HOGA1: variants seen among roughly 807,000 people sequenced by gnomAD.
HOGA1 encodes 4-hydroxy-2-oxoglutarate aldolase, mitochondrial.
A neutral mutation model predicts 34.3 loss-of-function variants in HOGA1; 30 were observed. The observed-to-expected ratio is 0.87, with a 90% CI of 0.65 to 1.19. The LOEUF (loss-of-function observed/expected upper bound fraction) is 1.19, where lower values mean the gene tolerates loss of function less well. Among genes scored for constraint, HOGA1 ranks in the 50% most tolerant of loss-of-function variants. The pLI is 0.00. For missense variants in HOGA1, 417 were observed against 436.5 expected (o/e 0.96, Z 0.40); for synonymous variants, 161 against 174.0 (o/e 0.93, Z 0.59).
intron 1 of HOGA1, among the ~76,000 whole-genome samples, chr10:97,587,962 C>T (rs2040983537): frequency 1.3e-5 from 2 of 151,706 alleles, no homozygotes; most frequent in African/African-American, 4.8e-5. Context: ...AGGTGCACAC[C>T]ACTATACCCG....
chr10:97,604,936 G>A (rs1265966437), intron 6 of HOGA1, among the ~76,000 whole-genome samples: 2 of 152,142 alleles, frequency 1.3e-5, no homozygotes, highest in African/African-American at 4.8e-5. Context: ...AGCCAAGATT[G>A]TGCCACTGCA....
At chr10:97,609,972 T>C (rs566757549) in intron 6 of HOGA1, among the ~76,000 whole-genome samples, 21 of 152,352 alleles carry the variant, frequency 1.4e-4, no homozygotes, top group African/African-American at 5.1e-4. Flanking sequence ...CCTGGCCTTT[T>C]TATCCCAAAC....
chr10:97,602,217 C>T (rs765142652), intron 6 of HOGA1: 14 of 1,525,792 alleles, frequency 9.2e-6, no homozygotes, highest in Non-Finnish European at 1.1e-5. Flanking sequence ...TTAAAATTTC[C>T]TTGGGGGCGA....
intron 1 of HOGA1, chr10:97,590,906 C>T (rs148031833): frequency 2.0e-4 from 67 of 328,598 alleles, no homozygotes; most frequent in East Asian, 5.0e-4. Flanking sequence ...TTGCCTGGAA[C>T]GGAGCCAATA....
At chr10:97,593,608 A>T (rs899199760) in intron 1 of HOGA1, among the ~76,000 whole-genome samples, 2 of 152,344 alleles carry the variant, frequency 1.3e-5, no homozygotes, top group African/African-American at 4.8e-5. Context: ...GCCGCAGACC[A>T]GGGCAGAAAA....
At chr10:97,585,213 G>A (rs1279167249) in intron 1 of HOGA1, among the ~76,000 whole-genome samples, 3 of 152,220 alleles carry the variant, frequency 2.0e-5, no homozygotes, top group Admixed American at 6.5e-5. Context: ...GATAATGGGC[G>A]TGAAAGTCCT....
intron 1 of HOGA1, chr10:97,590,947 G>T (rs1029438287): frequency 4.3e-6 from 1 of 230,448 alleles, no homozygotes; most frequent in Non-Finnish European, 9.3e-6. Flanking sequence ...CTGAGTCCAG[G>T]GGCTCTGTGG....
chr10:97,594,735 C>G (rs2041055960), intron 1 of HOGA1, among the ~76,000 whole-genome samples: 1 of 152,130 alleles, frequency 6.6e-6, no homozygotes, highest in Non-Finnish European at 1.5e-5. Context: ...AAATAGTCCA[C>G]CCGTCTTGGC....
chr10:97,584,985 T>G, intron 1 of HOGA1, 71 bp downstream of exon 1: 3 of 1,307,356 alleles, frequency 2.3e-6, no homozygotes, highest in Non-Finnish European at 3.3e-6. Flanking sequence ...CAAGGGAGGG[T>G]ACACAGGCTC....
chr10:97,591,490 G>A (rs1023937029), intron 1 of HOGA1, among the ~76,000 whole-genome samples: 1 of 152,116 alleles, frequency 6.6e-6, no homozygotes, highest in Non-Finnish European at 1.5e-5. Context: ...TTGTTACATA[G>A]GTAAACGTGT....
At chr10:97,600,724 A>C (rs1411799993) in intron 5 of HOGA1, 1 of 169,574 alleles carries the variant, frequency 5.9e-6, no homozygotes, top group Non-Finnish European at 1.3e-5. Flanking sequence ...GGGAAGGGAG[A>C]AGAAGGGAAG....
chr10:97,601,728 G>A lies in HOGA1; in HGVS notation c.701-129G>A, dbSNP rs1589909438. On this transcript the variant is annotated intron_variant, in intron 5 of 6. Coordinates refer to ENST00000370646, the MANE Select transcript of HOGA1 (RefSeq NM_138413.4). ...CTCTGGACTCACAGAGCATGCCTTT[G>A]ATGTAGCCAGCCAAGTGACATAGAA... 5 of 1,083,954 alleles carry A rather than the reference G, an allele frequency of 4.6e-6. No homozygotes were observed. The South Asian group carries it at 6.5e-5, about 14-fold the overall frequency. 67.1% of individuals were successfully genotyped at this position (1,083,954 alleles called of 1,614,324 possible). A position where few individuals can be genotyped will look rare whatever the true frequency, so the allele number is the denominator to read the frequency against.
chr10:97,589,929 A>C, intron 1 of HOGA1: 1 of 1,613,692 alleles, frequency 6.2e-7, no homozygotes, highest in African/African-American at 1.3e-5. Flanking sequence ...AGGAGAAGAA[A>C]GGAAACCTCT....
chr10:97,606,535 G>C (rs572687209), intron 6 of HOGA1, among the ~76,000 whole-genome samples: 1 of 151,906 alleles, frequency 6.6e-6, no homozygotes, highest in East Asian at 1.9e-4. Context: ...AACTGCTTGC[G>C]TGCCTTTGTC....
At chr10:97,596,407 G>A (rs1030724325) in intron 1 of HOGA1, among the ~76,000 whole-genome samples, 2 of 152,344 alleles carry the variant, frequency 1.3e-5, no homozygotes, top group Non-Finnish European at 2.9e-5. Flanking sequence ...AGCCCAGGAC[G>A]GCAGGCAGGG....
chr10:97,603,264 A>T lies in HOGA1; in HGVS notation c.834+1274A>T, dbSNP rs370496089. ...AGTGATCCTCCTGCCTCGGCCTCCC[A>T]ATCTTTTTTCTTTTATTTTTTTTAT... On this transcript the variant is annotated intron_variant, in intron 6 of 6. Transcript: ENST00000370646. The surrounding 1 kb of genome is among the most constrained non-coding windows in gnomAD (Gnocchi z 4.5). Among the ~76,000 whole-genome samples, 391 of 151,892 alleles carry T rather than the reference A, an allele frequency of 2.6e-3. 2 individuals carry two copies. The highest frequency in any genetic ancestry group is 9.1e-3 in the African/African-American group (378 of 41,424).
chr10:97,595,237 C>T (rs947771490), intron 1 of HOGA1, among the ~76,000 whole-genome samples: 1 of 152,158 alleles, frequency 6.6e-6, no homozygotes, highest in African/African-American at 2.4e-5. Flanking sequence ...AGTAGGTGTA[C>T]AATGAGAGGT....
intron 5 of HOGA1, 108 bp from the exon 6 acceptor site, chr10:97,601,749 T>A: frequency 7.4e-7 from 1 of 1,349,834 alleles, no homozygotes. Flanking sequence ...CCAAGTGACA[T>A]AGAAATCTGT....
At chr10:97,605,893 C>T (rs930937341) in intron 6 of HOGA1, among the ~76,000 whole-genome samples, 8 of 151,906 alleles carry the variant, frequency 5.3e-5, no homozygotes, top group Non-Finnish European at 8.8e-5. Context: ...GTTTCATTAC[C>T]TTAATAGGTC....
Sources: gnomAD v4.1 joint callset for allele counts (sites outside exome capture counted in the v4.1 genomes callset) on GRCh38, gnomAD v4.1.1 for gene constraint, Gnocchi (gnomAD v3.1) non-coding constraint, MANE v1.5 for transcripts, NCBI Gene and HGNC (gene_info 2026-07-23, HGNC 2026-07-21) for gene names.